Variants in GMDS observed in about 807,000 individuals in gnomAD.
The protein encoded by GMDS is GDP-mannose 4,6 dehydratase.
Under a neutral mutation model 49.9 loss-of-function variants are expected in GMDS, and 20 were observed. The ratio of observed to expected loss-of-function variants is 0.40; its 90% CI spans 0.28 to 0.58. GMDS has a LOEUF of 0.58. GMDS is among the 20% of genes least tolerant of loss of function. The probability of loss-of-function intolerance (pLI) is 0.42; values close to 1 mark genes in which losing one functional copy is unlikely to be tolerated. For synonymous variants in GMDS, 177 were observed against 178.6 expected (o/e 0.99, Z 0.07); for missense variants, 362 against 481.4 (o/e 0.75, Z 2.32).
intron 1 of GMDS, among the ~76,000 whole-genome samples, chr6:2,209,342 G>A (rs1581799535): frequency 1.3e-5 from 2 of 152,336 alleles, no homozygotes; most frequent in East Asian, 3.9e-4. Context: ...TGAACACAAT[G>A]TACTCTGCAG....
chr6:1,889,191 A>C lies in GMDS; in HGVS notation c.771+40912T>G, dbSNP rs565784796. ...ACTCATTCTCCACACACTCATTAAA[A>C]CTTTGTATGTGGCTTCCACCTCCAC... On this transcript the variant is annotated intron_variant, in intron 7 of 10. Coordinates refer to ENST00000380815, the MANE Select transcript of GMDS (RefSeq NM_001500.4). Among the ~76,000 whole-genome samples the C allele has an allele frequency of 2.6e-5, 4 of 152,288 alleles. No individual in the cohort carries two copies. In the East Asian group the frequency reaches 7.7e-4, roughly 29 times the overall value.
At chr6:2,034,590 A>G (rs1478187737) in intron 4 of GMDS, among the ~76,000 whole-genome samples, 2 of 152,296 alleles carry the variant, frequency 1.3e-5, no homozygotes, top group South Asian at 4.1e-4. Flanking sequence ...TTATTAAAAA[A>G]CGTAACATTC....
intron 4 of GMDS, among the ~76,000 whole-genome samples, chr6:1,965,244 G>A (rs578222644): frequency 4.6e-5 from 7 of 152,254 alleles, no homozygotes; most frequent in Non-Finnish European, 8.8e-5. Flanking sequence ...CTGAGGAATC[G>A]CCTAGAGCAC....
rs117922281 is a variant in GMDS, at chr6:1,984,022, T to C, written c.346-23056A>G. Among the ~76,000 whole-genome samples the C allele has an allele frequency of 7.1e-4, 108 of 152,302 alleles. No homozygotes were observed. The East Asian group carries it at 0.019, about 26-fold the overall frequency. On this transcript the variant is annotated intron_variant, in intron 4 of 10. Coordinates refer to ENST00000380815, the MANE Select transcript of GMDS (RefSeq NM_001500.4). ...TAAAAAATGTGGTACATATACACCA[T>C]GGGATACTATGCAGCCATGAAAAGG... is the stretch of plus-strand genomic sequence containing the variant.
At chr6:1,832,562 A>G (rs1756710991) in intron 7 of GMDS, among the ~76,000 whole-genome samples, 1 of 152,100 alleles carries the variant, frequency 6.6e-6, no homozygotes, top group South Asian at 2.1e-4. Context: ...CCATTACACA[A>G]GCAGTAACTT....
intron 4 of GMDS, among the ~76,000 whole-genome samples, chr6:2,048,797 T>G (rs1770184334): frequency 1.3e-5 from 2 of 152,236 alleles, no homozygotes; most frequent in Non-Finnish European, 2.9e-5. Context: ...CAAATTTTTC[T>G]TTTCTGTTTG....
chr6:2,210,746 C>G (rs1347614187), intron 1 of GMDS, among the ~76,000 whole-genome samples: 3 of 152,224 alleles, frequency 2.0e-5, no homozygotes, highest in Non-Finnish European at 2.9e-5. Flanking sequence ...CACCCACCCT[C>G]TGCCCTATCA....
At chr6:1,768,218 T>A (rs1768434338) in intron 7 of GMDS, among the ~76,000 whole-genome samples, 1 of 152,242 alleles carries the variant, frequency 6.6e-6, no homozygotes, top group East Asian at 1.9e-4. Flanking sequence ...GGGGAATATC[T>A]AATGTCACTT....
At chr6:1,746,021 G>A (rs1767480697) in intron 7 of GMDS, among the ~76,000 whole-genome samples, 1 of 152,176 alleles carries the variant, frequency 6.6e-6, no homozygotes. Context: ...TTATACAGCT[G>A]CACACGTTGA....
At chr6:2,064,062 C>A (rs905702447) in intron 4 of GMDS, among the ~76,000 whole-genome samples, 2 of 152,106 alleles carry the variant, frequency 1.3e-5, no homozygotes, top group African/African-American at 4.8e-5. Flanking sequence ...TAATTAATAA[C>A]AGACCATGTG....
chr6:1,976,201 T>C (rs1329187904), intron 4 of GMDS, among the ~76,000 whole-genome samples: 1 of 64,456 alleles, frequency 1.6e-5, no homozygotes, highest in East Asian at 4.3e-4. Context: ...ATACTCTTTG[T>C]TTAAGTCTGA....
intron 4 of GMDS, among the ~76,000 whole-genome samples, chr6:2,099,313 G>C (rs187394691): frequency 3.5e-4 from 53 of 152,208 alleles, no homozygotes; most frequent in Non-Finnish European, 6.0e-4. Flanking sequence ...ACAGTATTAA[G>C]AAGCTTAGTT....
intron 4 of GMDS, among the ~76,000 whole-genome samples, chr6:2,032,025 C>T (rs9392356): frequency 0.27 from 41,561 of 151,926 alleles, 5,704 homozygotes; most frequent in South Asian, 0.3. Flanking sequence ...ATAATCAGAA[C>T]TTATTATTGA....
chr6:1,955,117 G>C (rs1448648067), intron 6 of GMDS, among the ~76,000 whole-genome samples: 2 of 151,660 alleles, frequency 1.3e-5, no homozygotes, highest in South Asian at 4.2e-4. Context: ...CTTAATGCAG[G>C]GTTGCCACAC....
In GMDS at chr6:1,624,236, A is replaced by C. The variant is rs753836926; in HGVS notation, c.1057-5T>G. On this transcript the variant is annotated splice_region_variant and splice_polypyrimidine_tract_variant and intron_variant, in intron 10 of 10. Coordinates refer to ENST00000380815, the MANE Select transcript of GMDS (RefSeq NM_001500.4). Reference sequence around the variant, plus strand: ...CACCATCTCCCTCACCAGCTCCTGCAACACAGGGGTGGGCGTGAGGGAGGA... The same window carrying C: ...CACCATCTCCCTCACCAGCTCCTGCCACACAGGGGTGGGCGTGAGGGAGGA... The C allele has an allele frequency of 5.6e-6, 9 of 1,610,882 alleles. No homozygotes were observed. In the Admixed American group the frequency reaches 1.5e-4, roughly 27 times the overall value.
chr6:1,710,665 C>T (rs1015357088), intron 9 of GMDS, among the ~76,000 whole-genome samples: 2 of 152,212 alleles, frequency 1.3e-5, no homozygotes, highest in Non-Finnish European at 2.9e-5. Flanking sequence ...ACTACCTAGG[C>T]ACAAAAATCT....
At chr6:1,791,048 T>C (rs1478961227) in intron 7 of GMDS, among the ~76,000 whole-genome samples, 1 of 152,128 alleles carries the variant, frequency 6.6e-6, no homozygotes, top group Non-Finnish European at 1.5e-5. Context: ...GGACAGAGAA[T>C]GTACTTTGTA....
intron 1 of GMDS, among the ~76,000 whole-genome samples, chr6:2,129,901 C>G (rs1048911201): frequency 6.6e-6 from 1 of 152,176 alleles, no homozygotes; most frequent in East Asian, 1.9e-4. Context: ...GTCAGACTCA[C>G]AAAATTCAAA....
intron 1 of GMDS, among the ~76,000 whole-genome samples, chr6:2,217,930 T>G (rs1287049318): frequency 6.6e-6 from 1 of 152,194 alleles, no homozygotes; most frequent in Non-Finnish European, 1.5e-5. Context: ...AAGCAGTATT[T>G]TACCCAAGTT....
Sources: gnomAD v4.1 joint callset for allele counts (sites outside exome capture counted in the v4.1 genomes callset) on GRCh38, gnomAD v4.1.1 for gene constraint, MANE v1.5 for transcripts, NCBI Gene and HGNC (gene_info 2026-07-23, HGNC 2026-07-21) for gene names.